The following SLC9A6 variants were observed in gnomAD, a reference collection of about 807,000 sequenced individuals.
SLC9A6 encodes solute carrier family 9 member A6, also known as sodium/hydrogen exchanger 6.
Under a neutral mutation model 45.3 loss-of-function variants are expected in SLC9A6, and 6 were observed. That is an observed-to-expected ratio of 0.13 (90% CI 0.07 to 0.26). SLC9A6 has a LOEUF of 0.26. Ranked by LOEUF, SLC9A6 falls within the 10% of genes least tolerant of loss-of-function variation. SLC9A6 has a pLI of 1.00. For missense variants in SLC9A6, 278 were observed against 503.7 expected (o/e 0.55, Z 4.29); for synonymous variants, 191 against 187.7 (o/e 1.02, Z -0.14).
At chrX:136,021,382 T>A (rs2071124994) in intron 11 of SLC9A6, among the ~76,000 whole-genome samples, 1 of 112,144 alleles carries the variant, frequency 8.9e-6, no homozygotes, top group African/African-American at 3.2e-5. Flanking sequence ...TCAGTATACA[T>A]GTATAATAGT....
intron 6 of SLC9A6, among the ~76,000 whole-genome samples, chrX:136,001,221 C>T (rs1282912051): frequency 9.3e-6 from 1 of 107,347 alleles, no homozygotes; most frequent in Non-Finnish European, 1.9e-5. Context: ...CCTGTAGTCC[C>T]AGCTACTCGG....
intron 17 of SLC9A6, among the ~76,000 whole-genome samples, chrX:136,040,906 A>C (rs1226906404): frequency 4.5e-5 from 5 of 112,089 alleles, no homozygotes; most frequent in Non-Finnish European, 7.5e-5. Context: ...AGATCACCTG[A>C]GGTCAGGAGT....
At chrX:136,025,127 CT>C (rs1366859542) in intron 13 of SLC9A6, among the ~76,000 whole-genome samples, 1 of 112,355 alleles carries the variant, frequency 8.9e-6, no homozygotes, top group Non-Finnish European at 1.9e-5. Flanking sequence ...TACTCCAACC[CT>C]AATCACTACT....
At chrX:136,026,068 C>T (rs2071220736) in intron 13 of SLC9A6, among the ~76,000 whole-genome samples, 1 of 112,340 alleles carries the variant, frequency 8.9e-6, no homozygotes, top group Non-Finnish European at 1.9e-5. Flanking sequence ...CGCATAGTGC[C>T]TGTCCTGTAA....
intron 11 of SLC9A6, among the ~76,000 whole-genome samples, chrX:136,019,446 A>G (rs2071082445): frequency 8.9e-6 from 1 of 111,981 alleles, no homozygotes; most frequent in Non-Finnish European, 1.9e-5. Flanking sequence ...GCTAGGAGTT[A>G]TATACTTTAT....
chrX:135,999,473 T>C lies in SLC9A6; in HGVS notation c.637+505T>C, dbSNP rs782625295. 2.7e-5 allele frequency among the ~76,000 whole-genome samples: 3 copies of C among 112,048 alleles called. No homozygotes were observed. In the East Asian group the frequency reaches 8.4e-4, roughly 31 times the overall value. Reference sequence around the variant, plus strand: ...CTAATACAGGTTTGATTTGGAGTCATTGGAGGACTTTAATATACATTAAAG... The same window carrying C: ...CTAATACAGGTTTGATTTGGAGTCACTGGAGGACTTTAATATACATTAAAG... On this transcript the variant is annotated intron_variant, in intron 6 of 17. Coordinates refer to ENST00000630721, the MANE Select transcript of SLC9A6 (RefSeq NM_001379110.1).
intron 6 of SLC9A6, among the ~76,000 whole-genome samples, chrX:136,000,440 A>C (rs2089565712): frequency 9.0e-6 from 1 of 110,587 alleles, no homozygotes; most frequent in Non-Finnish European, 1.9e-5. Flanking sequence ...TGGTTTTGGC[A>C]AGGAGCCGGT....
chrX:136,040,488 T>C (rs1245365267), intron 17 of SLC9A6, among the ~76,000 whole-genome samples: 1 of 112,137 alleles, frequency 8.9e-6, no homozygotes, highest in African/African-American at 3.2e-5. Flanking sequence ...TGTCCTGAGC[T>C]CAGCACTAAA....
chrX:136,037,026 A>G (rs2071423721), intron 16 of SLC9A6, among the ~76,000 whole-genome samples: 1 of 112,290 alleles, frequency 8.9e-6, no homozygotes, highest in South Asian at 3.7e-4. Context: ...ACTTGGCTGT[A>G]TAAGTGGGGA....
At chrX:135,993,668 A>G (rs1556616062) in intron 2 of SLC9A6, among the ~76,000 whole-genome samples, 1 of 110,686 alleles carries the variant, frequency 9.0e-6, no homozygotes, top group Admixed American at 9.6e-5. Context: ...GTGTGAGCCT[A>G]TAATCCCAGC....
chrX:136,029,923 G>C, intron 14 of SLC9A6: 1 of 440,725 alleles, frequency 2.3e-6, no homozygotes, highest in South Asian at 3.4e-5. Flanking sequence ...GAGAATCATG[G>C]GTACACCCTG....
chrX:135,978,279 C>T (rs1556613584), intron 1 of SLC9A6, among the ~76,000 whole-genome samples: 2 of 111,970 alleles, frequency 1.8e-5, no homozygotes, highest in Non-Finnish European at 3.8e-5. Flanking sequence ...CTACTAATAT[C>T]TCTCTTAGGG....
intron 1 of SLC9A6, among the ~76,000 whole-genome samples, chrX:135,979,284 C>G (rs2089276171): frequency 9.0e-6 from 1 of 111,490 alleles, no homozygotes; most frequent in Non-Finnish European, 1.9e-5. Context: ...ATTTTCTATA[C>G]TGCTGCCTTA....
In SLC9A6 at chrX:136,016,701, G is replaced by A. The variant is rs782113370; in HGVS notation, c.1137G>A (p.Leu379=). 1.7e-6 allele frequency: 2 copies of A among 1,201,471 alleles called. No homozygotes were observed. The highest frequency in any genetic ancestry group is 2.3e-6 in the Non-Finnish European group (2 of 886,334). The change falls in exon 11 of 18, where the codon CTG becomes CTA. Residue 379 remains leucine (L), a synonymous_variant. Coordinates refer to ENST00000630721, the MANE Select transcript of SLC9A6 (RefSeq NM_001379110.1). ...AENFIFSYMG[L]TLFTFQNHVF... ...ATTTCATCTTCTCCTACATGGGGCT[G>A]ACACTGTTCACCTTCCAGAACCATG...
intron 1 of SLC9A6, among the ~76,000 whole-genome samples, chrX:135,976,139 C>A (rs184647082): frequency 2.6e-4 from 29 of 110,817 alleles, no homozygotes; most frequent in African/African-American, 8.9e-4. Flanking sequence ...ACCTCTAAGC[C>A]AGAATTTTAC....
chrX:136,011,784 T>C (rs782297319), intron 8 of SLC9A6, among the ~76,000 whole-genome samples: 10 of 111,572 alleles, frequency 9.0e-5, no homozygotes, highest in Non-Finnish European at 1.5e-4. Context: ...TGGGACTAGA[T>C]GATGTCTAAA....
At chrX:136,040,271 T>C (rs1175520721) in intron 17 of SLC9A6, 90 bp downstream of exon 17, 2 of 713,783 alleles carry the variant, frequency 2.8e-6, no homozygotes, top group African/African-American at 2.1e-5. Flanking sequence ...TATTTTGGTT[T>C]GTTTTTTTGC....
intron 13 of SLC9A6, among the ~76,000 whole-genome samples, chrX:136,026,818 G>A (rs1364861423): frequency 8.9e-6 from 1 of 112,333 alleles, no homozygotes; most frequent in African/African-American, 3.2e-5. Context: ...TTACAGGCAT[G>A]AGCCATCTCA....
intron 7 of SLC9A6, 60 bp from the exon 8 acceptor site, chrX:136,010,382 A>C: frequency 2.6e-6 from 3 of 1,149,117 alleles, no homozygotes; most frequent in Non-Finnish European, 3.6e-6. Context: ...TCTATACTAC[A>C]TAATGTTTTT....
Sources: allele counts gnomAD v4.1 joint callset (sites outside exome capture counted in the v4.1 genomes callset), GRCh38; gene constraint gnomAD v4.1.1; transcripts MANE v1.5; gene names NCBI Gene and HGNC (gene_info 2026-07-23, HGNC 2026-07-21).